The following MRPS17 variants were observed in gnomAD, a reference collection of about 807,000 sequenced individuals.
MRPS17 encodes the protein small ribosomal subunit protein uS17m.
Under a neutral mutation model 11.3 loss-of-function variants are expected in MRPS17, and 6 were observed. That is an observed-to-expected ratio of 0.53 (90% CI 0.29 to 1.05). The LOEUF is 1.05. MRPS17 is among the 50% of genes least tolerant of loss of function. The pLI, the probability that MRPS17 is intolerant of heterozygous loss-of-function variation, is 0.08. For missense variants in MRPS17, 139 were observed against 153.6 expected, an observed-to-expected ratio of 0.90 and a Z score of 0.50; for synonymous variants, 56 against 60.4, an observed-to-expected ratio of 0.93 and a Z score of 0.34.
chr7:55,953,747 G>A (rs1296703115), intron 2 of MRPS17, among the ~76,000 whole-genome samples: 5 of 152,170 alleles, frequency 3.3e-5, no homozygotes, highest in Admixed American at 6.6e-5. Context: ...TCTTGAAGCC[G>A]GGAGGCGGAG....
rs768942978 is a variant in MRPS17, at chr7:55,953,650, C to T, written c.123+332C>T. On this transcript the variant is annotated intron_variant, in intron 2 of 2. Coordinates refer to ENST00000285298, the MANE Select transcript of MRPS17 (RefSeq NM_015969.3). ...CAGTCTGGCCAACGTGGTGAAACCC[C>T]GTCTCTACTAAAAATACAAAAATTA... Among the ~76,000 whole-genome samples, 17 of 152,120 alleles carry T rather than the reference C, an allele frequency of 1.1e-4. 1 individual carries two copies. The highest frequency in any genetic ancestry group is 3.9e-4 in the Admixed American group (6 of 15,264).
rs528261853 is a variant in MRPS17, at chr7:55,953,248, T to C, written c.53T>C (p.Ile18Thr). 6.5e-5 allele frequency: 105 copies of C among 1,614,086 alleles called. 3 individuals are homozygous for C. The South Asian group carries it at 9.7e-4, about 15-fold the overall frequency. Reference protein sequence around the residue: ...VHARWIVGKVIGTKMQKTAKV... With the variant: ...VHARWIVGKVTGTKMQKTAKV... ...GCCAGATGGATTGTGGGGAAGGTGA[T>C]TGGGACAAAAATGCAAAAGACTGCT... is the stretch of plus-strand genomic sequence containing the variant. Residue 18 changes from isoleucine (I) to threonine (T), a missense_variant, in exon 2 of 3, where the codon ATT (isoleucine) becomes ACT (threonine). By Grantham distance (89) the Ile-to-Thr change is moderately conservative. Coordinates refer to ENST00000285298, the MANE Select transcript of MRPS17 (RefSeq NM_015969.3).
chr7:55,953,041 A>G (rs1279604937), intron 1 of MRPS17, 138 bp from the exon 2 acceptor site: 7 of 1,020,574 alleles, frequency 6.9e-6, no homozygotes, highest in Non-Finnish European at 1.4e-6. Context: ...AAAAAAAAAC[A>G]AAACAAAACT....
chr7:55,953,054 T>C (rs1329614833), intron 1 of MRPS17, 125 bp from the exon 2 acceptor site: 20 of 1,074,076 alleles, frequency 1.9e-5, no homozygotes, highest in Non-Finnish European at 2.7e-5. Flanking sequence ...ACAAAACTGT[T>C]TCTGGGTGGA....
At chr7:55,954,830 G>A (rs749276900) in intron 2 of MRPS17, 79 bp from the exon 3 acceptor site, 174 of 1,514,210 alleles carry the variant, frequency 1.1e-4, no homozygotes, top group Non-Finnish European at 1.5e-4. Context: ...TTTTCCATAC[G>A]TTACTTTTTC....
rs1292923345 is a variant in MRPS17, at chr7:55,953,174, T to TA, written c.-17-5_-17-4insA. On this transcript the variant is annotated splice_region_variant and splice_polypyrimidine_tract_variant and intron_variant, in intron 1 of 2. Transcript: ENST00000285298. ...GAATATGAGACTTTGGAATTTGCTTTTCAGGTGACCAAAGCCACGTAATGT... is the reference window on the plus strand; with the variant it reads ...GAATATGAGACTTTGGAATTTGCTTTATCAGGTGACCAAAGCCACGTAATGT... 6.2e-7 allele frequency: 1 copy of TA among 1,613,378 alleles called. No homozygotes were observed. The highest frequency in any genetic ancestry group is 8.5e-7 in the Non-Finnish European group (1 of 1,179,852).
rs1216448821 is a variant in MRPS17 at position 55,955,021 on chromosome 7, A to G, written c.236A>G (p.His79Arg). ...GTTCCACGAGCAAAGCATGTGAAACATGAACTGGCTGAGATCGTTTTCAAA... is the reference window on the plus strand; with the variant it reads ...GTTCCACGAGCAAAGCATGTGAAACGTGAACTGGCTGAGATCGTTTTCAAA... ...LPVPRAKHVKHELAEIVFKVG... is the reference protein window; with the variant it reads ...LPVPRAKHVKRELAEIVFKVG... The change falls in exon 3 of 3, where the codon CAT becomes CGT. Residue 79 changes from histidine to arginine, a missense_variant. His to Arg is a conservative substitution (Grantham distance 29, BLOSUM62 0). Transcript: ENST00000285298. 6.2e-7 allele frequency: 1 copy of G among 1,614,220 alleles called. No individual in the cohort carries two copies. Among genetic ancestry groups the G allele is most frequent in the Admixed American group, 1.7e-5 (1 of 60,006 alleles).
At position 55,955,942 on chromosome 7, in the gene MRPS17, T is replaced by G. The variant is rs551478242; in HGVS notation, c.*764T>G. On this transcript the variant is annotated 3_prime_UTR_variant, in exon 3 of 3. Coordinates refer to ENST00000285298, the MANE Select transcript of MRPS17 (RefSeq NM_015969.3). The stretch of plus-strand genomic sequence containing the variant: ...CTACACTTGGCTGATTTTTTGTAAA[T>G]TTTGTAGAGACAGGGTCTCCCTGTG... 1 of 151,634 alleles carries G rather than the reference T, an allele frequency of 6.6e-6. No homozygotes were observed. Among genetic ancestry groups the G allele is most frequent in the Non-Finnish European group, 1.5e-5 (1 of 68,030 alleles). The allele number at this position is 151,634 out of a possible 1,614,324, so 9.4% of individuals were successfully genotyped here.
Position 55,955,223 on chromosome 7 carries a change from A to G in MRPS17, c.*45A>G. On this transcript the variant is annotated 3_prime_UTR_variant, in exon 3 of 3. Transcript: ENST00000285298. ...TCTAAAGGGAAAAACTGACATGTTT[A>G]TGTTATGGAAAAAGAAATTTTTCTA... 1 of 1,564,066 alleles carries G rather than the reference A, an allele frequency of 6.4e-7. No individual in the cohort carries two copies. Among genetic ancestry groups the G allele is most frequent in the Non-Finnish European group, 8.6e-7 (1 of 1,156,784 alleles).
intron 1 of MRPS17, among the ~76,000 whole-genome samples, chr7:55,952,800 G>A (rs1222648862): frequency 6.6e-6 from 1 of 151,980 alleles, no homozygotes; most frequent in Admixed American, 6.6e-5. Context: ...GGGAGGCCGA[G>A]GCGGGCGGAT....
intron 1 of MRPS17, among the ~76,000 whole-genome samples, chr7:55,952,595 C>G (rs1786655901): frequency 6.6e-6 from 1 of 151,466 alleles, no homozygotes; most frequent in Admixed American, 6.6e-5. Flanking sequence ...ATTAGCTCGG[C>G]GTGGTGGTGC....
Position 55,955,320 on chromosome 7 carries a change from G to A in MRPS17, c.*142G>A, listed in dbSNP as rs1786711887. On this transcript the variant is annotated 3_prime_UTR_variant, in exon 3 of 3. Coordinates refer to ENST00000285298, the MANE Select transcript of MRPS17 (RefSeq NM_015969.3). ...TAGCTAAAAGCAAATGAAGTAAAGG[G>A]CATACTATGGTTTTTCACAAAGGTT... The A allele has an allele frequency of 9.9e-7, 1 of 1,014,372 alleles. No individual in the cohort carries two copies. Among genetic ancestry groups the A allele is most frequent in the Admixed American group, 2.9e-5 (1 of 34,772 alleles). 62.8% of individuals were successfully genotyped at this position (1,014,372 alleles called of 1,614,324 possible).
chr7:55,952,380 C>A (rs970765733), intron 1 of MRPS17: 1 of 152,280 alleles, frequency 6.6e-6, no homozygotes, highest in Non-Finnish European at 1.5e-5. Flanking sequence ...AAAGTTACCG[C>A]TTTGTAAGCG....
At chr7:55,952,966 C>A (rs939473717) in intron 1 of MRPS17, among the ~76,000 whole-genome samples, 2 of 147,616 alleles carry the variant, frequency 1.4e-5, no homozygotes, top group Admixed American at 6.7e-5. Flanking sequence ...CAGGAGGCGG[C>A]GTTTGCAGTG....
intron 2 of MRPS17, among the ~76,000 whole-genome samples, chr7:55,953,912 T>C (rs1344500902): frequency 1.3e-5 from 2 of 152,282 alleles, no homozygotes; most frequent in East Asian, 3.9e-4. Flanking sequence ...GTAATACTCA[T>C]GCTGGCTCAA....
chr7:55,955,175 G>A lies in MRPS17; in HGVS notation c.390G>A (p.Gln130=), dbSNP rs1786709575. 6.2e-7 allele frequency: 1 copy of A among 1,610,314 alleles called. No homozygotes were observed. Among genetic ancestry groups the A allele is most frequent in the African/African-American group, 1.3e-5 (1 of 74,794 alleles). ...AAGAACTCAATATCTCTTCAGCACA[G>A]TGAAGCGGGAGTGGAAGAAGGATCT... ...NLEELNISSA[Q] The change falls in exon 3 of 3, where the codon CAG becomes CAA. Residue 130 remains glutamine (Q), a synonymous_variant. Coordinates refer to ENST00000285298, the MANE Select transcript of MRPS17 (RefSeq NM_015969.3).
chr7:55,953,147 C>T lies in MRPS17; in HGVS notation c.-17-32C>T, dbSNP rs1191164925. On this transcript the variant is annotated intron_variant, in intron 1 of 2. Transcript: ENST00000285298. ...AAAATTCATGTGGCATCATAACCAC[C>T]AGAATATGAGACTTTGGAATTTGCT... is the stretch of plus-strand genomic sequence containing the variant. 5 of 1,609,862 alleles carry T rather than the reference C, an allele frequency of 3.1e-6. No homozygotes were observed. The East Asian group carries it at 1.1e-4, about 36-fold the overall frequency.
Position 55,953,179 on chromosome 7 carries a change from G to A in MRPS17, c.-17G>A, listed in dbSNP as rs756650918. 1.1e-5 allele frequency: 18 copies of A among 1,612,948 alleles called. No homozygotes were observed. The highest frequency in any genetic ancestry group is 1.4e-5 in the Non-Finnish European group (17 of 1,179,736). ...TGAGACTTTGGAATTTGCTTTTCAG[G>A]TGACCAAAGCCACGTAATGTCCGTA... is the stretch of plus-strand genomic sequence containing the variant. On this transcript the variant is annotated splice_region_variant and 5_prime_UTR_variant, in exon 2 of 3. In the 5' UTR this introduces an upstream ATG that the reference lacks. Transcript: ENST00000285298.
chr7:55,953,447 TG>T, intron 2 of MRPS17, 129 bp downstream of exon 2: 3 of 1,328,870 alleles, frequency 2.3e-6, no homozygotes, highest in Non-Finnish European at 3.1e-6. Context: ...GGCATTTTGC[TG>T]GTCTGTAGGT....
Sources: gnomAD v4.1 joint callset for allele counts (sites outside exome capture counted in the v4.1 genomes callset) on GRCh38, gnomAD v4.1.1 for gene constraint, MANE v1.5 for transcripts, NCBI Gene and HGNC (gene_info 2026-07-23, HGNC 2026-07-21) for gene names.